NDC80: variants seen among roughly 807,000 people sequenced by gnomAD.
NDC80 encodes the protein kinetochore protein NDC80 homolog.
A neutral mutation model predicts 89.3 loss-of-function variants in NDC80; 69 were observed. The observed-to-expected ratio is 0.77, with a 90% CI of 0.64 to 0.94. The LOEUF (loss-of-function observed/expected upper bound fraction) is 0.94. Among genes scored for constraint, NDC80 ranks in the 40% least tolerant of loss-of-function variants. The pLI is 0.00. For missense variants in NDC80, 593 were observed against 739.6 expected, an observed-to-expected ratio of 0.80 and a Z score of 2.30; for synonymous variants, 243 against 255.6, an observed-to-expected ratio of 0.95 and a Z score of 0.47.
At chr18:2,609,452 G>A (rs1322800182) in intron 15 of NDC80, among the ~76,000 whole-genome samples, 1 of 152,064 alleles carries the variant, frequency 6.6e-6, no homozygotes, top group African/African-American at 2.4e-5. Flanking sequence ...CACTTGAGAA[G>A]TTCAAGAAGT....
intron 11 of NDC80, among the ~76,000 whole-genome samples, chr18:2,596,526 A>G (rs2072657517): frequency 6.7e-6 from 1 of 149,716 alleles, no homozygotes; most frequent in Admixed American, 6.7e-5. Flanking sequence ...TCAGGAAACA[A>G]CAGGTGCTGG....
chr18:2,609,189 CTCA>C (rs1456446898), intron 15 of NDC80, among the ~76,000 whole-genome samples: 5 of 152,046 alleles, frequency 3.3e-5, no homozygotes, highest in Non-Finnish European at 7.4e-5. Flanking sequence ...TTCCACTGAG[CTCA>C]TGTTTTTATT....
chr18:2,580,564 A>G (rs2072571549), intron 6 of NDC80, among the ~76,000 whole-genome samples: 1 of 152,016 alleles, frequency 6.6e-6, no homozygotes. Context: ...CCATGCTGGT[A>G]CATACAGTAC....
At chr18:2,583,753 G>A (rs1302822866) in intron 6 of NDC80, among the ~76,000 whole-genome samples, 2 of 151,636 alleles carry the variant, frequency 1.3e-5, no homozygotes, top group African/African-American at 4.8e-5. Flanking sequence ...AAAAGACAAG[G>A]TAGAAGACCC....
chr18:2,585,069 T>C (rs2143640682), intron 6 of NDC80, 44 bp from the exon 7 acceptor site: 1 of 1,479,720 alleles, frequency 6.8e-7, no homozygotes, highest in Non-Finnish European at 9.4e-7. Flanking sequence ...ATGAAAGTTG[T>C]GTTTTTCAGA....
chr18:2,577,674 T>C (rs985147681), intron 3 of NDC80, 72 bp from the exon 4 acceptor site: 13 of 1,547,008 alleles, frequency 8.4e-6, no homozygotes, highest in African/African-American at 1.4e-5. Context: ...AATGCAAAAC[T>C]GCCTTGAAAT....
chr18:2,580,731 A>ATTTTTTTTTT (rs71365186), intron 6 of NDC80, among the ~76,000 whole-genome samples: 1,041 of 55,438 alleles, frequency 0.019, 291 homozygotes, highest in East Asian at 0.075. Context: ...TCACCATCAG[A>ATTTTTTTTTT]TTTTTTTTTT....
At chr18:2,575,402 G>C (rs1180484252) in intron 3 of NDC80, among the ~76,000 whole-genome samples, 1 of 152,154 alleles carries the variant, frequency 6.6e-6, no homozygotes, top group Admixed American at 6.5e-5. Context: ...GGCTTTGCTT[G>C]AGTCCAGGAG....
At chr18:2,615,799 A>G (rs920892862) in intron 16 of NDC80, among the ~76,000 whole-genome samples, 2 of 152,246 alleles carry the variant, frequency 1.3e-5, no homozygotes, top group African/African-American at 4.8e-5. Context: ...AAAATACTAT[A>G]TGAAAAAGTC....
At position 2,573,094 on chromosome 18, in the gene NDC80, T is replaced by C. The variant is rs201546011; in HGVS notation, c.101+8T>C. 489 of 1,601,634 alleles carry C rather than the reference T, an allele frequency of 3.1e-4. 1 individual carries two copies. The African/African-American group carries it at 6.1e-3, about 20-fold the overall frequency. On this transcript the variant is annotated splice_region_variant and intron_variant, in intron 2 of 16. Coordinates refer to ENST00000261597, the MANE Select transcript of NDC80 (RefSeq NM_006101.3). ...CCTCTATACCCCTCAAACGTGAGTATTTCCCTTGTGGTTCTAATTTGCATG... is the reference window on the plus strand; with the variant it reads ...CCTCTATACCCCTCAAACGTGAGTACTTCCCTTGTGGTTCTAATTTGCATG...
chr18:2,593,057 T>TGTGTGTGTGTGTG (rs1491312738), intron 10 of NDC80, among the ~76,000 whole-genome samples: 2 of 69,330 alleles, frequency 2.9e-5, no homozygotes, highest in Non-Finnish European at 3.0e-5. Flanking sequence ...TGTGTGTGTC[T>TGTGTGTGTGTGTG]TTTTTTTTTT....
intron 8 of NDC80, 100 bp downstream of exon 8, chr18:2,588,023 A>G: frequency 1.2e-6 from 1 of 830,512 alleles, no homozygotes; most frequent in Non-Finnish European, 1.9e-6. Context: ...TGAGCTACTT[A>G]CTTTAAATGT....
chr18:2,616,452 C>A lies in NDC80; in HGVS notation c.1807C>A (p.Gln603Lys). ...VGSVEKHLEE[Q>K]IAKVDREYEE... Reference sequence around the variant, plus strand: ...TCTTCACTAGAAACATCTTGAGGAGCAGATTGCTAAAGTTGATAGAGAATA... The same window carrying A: ...TCTTCACTAGAAACATCTTGAGGAGAAGATTGCTAAAGTTGATAGAGAATA... Residue 603 changes from glutamine (Q) to lysine (K), a missense_variant, in exon 17 of 17, where the codon CAG (glutamine) becomes AAG (lysine). By Grantham distance (53) the Gln-to-Lys change is moderately conservative. Coordinates refer to ENST00000261597, the MANE Select transcript of NDC80 (RefSeq NM_006101.3). 6.7e-7 allele frequency: 1 copy of A among 1,497,974 alleles called. No individual in the cohort carries two copies. The highest frequency in any genetic ancestry group is 9.0e-7 in the Non-Finnish European group (1 of 1,116,930). 92.8% of individuals were successfully genotyped at this position (1,497,974 alleles called of 1,614,324 possible). A position where few individuals can be genotyped will look rare whatever the true frequency, so the allele number is the denominator to read the frequency against.
At chr18:2,573,210 G>T in intron 2 of NDC80, 124 bp downstream of exon 2, 1 of 712,430 alleles carries the variant, frequency 1.4e-6, no homozygotes, top group Non-Finnish European at 2.2e-6. Flanking sequence ...CTGTTCCCAG[G>T]GGTACCTAAT....
At chr18:2,608,249 A>G (rs570915257) in intron 14 of NDC80, among the ~76,000 whole-genome samples, 114 of 151,826 alleles carry the variant, frequency 7.5e-4, no homozygotes, top group Non-Finnish European at 1.3e-3. Flanking sequence ...TCTGTCGCTC[A>G]GGCTGGAATG....
chr18:2,605,278 G>A (rs1339102543), intron 13 of NDC80, among the ~76,000 whole-genome samples: 36 of 22,332 alleles, frequency 1.6e-3, no homozygotes, highest in African/African-American at 5.9e-3. Context: ...ATATGTATGT[G>A]TGTGTGTGTG....
At chr18:2,589,373 A>T (rs2072616416) in intron 9 of NDC80, 63 bp downstream of exon 9, 1 of 1,118,834 alleles carries the variant, frequency 8.9e-7, no homozygotes. Flanking sequence ...GTCCTTGGAT[A>T]TTAGCTGTCT....
chr18:2,579,048 T>C lies in NDC80; in HGVS notation c.579+19T>C, dbSNP rs1482039243. ...CATCAAGGTATTTGATTTGTTCTTT[T>C]GAAATGTATACATGGGAAAGGGTTT... On this transcript the variant is annotated intron_variant, in intron 6 of 16. Coordinates refer to ENST00000261597, the MANE Select transcript of NDC80 (RefSeq NM_006101.3). The C allele has an allele frequency of 3.5e-6, 5 of 1,437,500 alleles. No individual in the cohort carries two copies. Among genetic ancestry groups the C allele is most frequent in the Admixed American group, 2.4e-5 (1 of 41,918 alleles). 89.0% of individuals were successfully genotyped at this position (1,437,500 alleles called of 1,614,324 possible). A position where few individuals can be genotyped will look rare whatever the true frequency, so the allele number is the denominator to read the frequency against.
chr18:2,589,223 T>C lies in NDC80; in HGVS notation c.783T>C (p.Asp261=). Residue 261 remains aspartate, a synonymous_variant, in exon 9 of 17, where the codon GAT becomes GAC. Transcript: ENST00000261597. The part of the protein sequence containing the change: ...QSKLKDLFNV[D]AFKLESLEAK... Reference sequence around the variant, plus strand: ...CTCCAGAGGATTTATTTAATGTGGATGCTTTTAAGCTGGAATCATTAGAAG... The same window carrying C: ...CTCCAGAGGATTTATTTAATGTGGACGCTTTTAAGCTGGAATCATTAGAAG... 6.2e-7 allele frequency: 1 copy of C among 1,612,630 alleles called. No individual in the cohort carries two copies. The highest frequency in any genetic ancestry group is 8.5e-7 in the Non-Finnish European group (1 of 1,178,714).
Sources: allele counts gnomAD v4.1 joint callset (sites outside exome capture counted in the v4.1 genomes callset), GRCh38; gene constraint gnomAD v4.1.1; transcripts MANE v1.5; gene names NCBI Gene and HGNC (gene_info 2026-07-23, HGNC 2026-07-21).